PPP1R26: variants seen among roughly 807,000 people sequenced by gnomAD.
The protein encoded by PPP1R26 is 1A6/DRIM (down-regulated in metastasis) interacting protein.
PPP1R26 carries 22 observed loss-of-function variants against 67.6 expected under a neutral mutation model. The ratio of observed to expected loss-of-function variants is 0.33; its 90% CI spans 0.23 to 0.46. The LOEUF (loss-of-function observed/expected upper bound fraction) is 0.46, where lower values mean the gene tolerates loss of function less well. PPP1R26 is among the 20% of genes least tolerant of loss of function. PPP1R26 has a pLI of 1.00. For missense variants in PPP1R26, 1,602 were observed against 1,651.4 expected (o/e 0.97, Z 0.52); for synonymous variants, 729 against 717.2 (o/e 1.02, Z -0.26).
intron 1 of PPP1R26, 84 bp downstream of exon 1, chr9:135,480,106 G>T (rs1302728198): frequency 6.7e-6 from 1 of 149,312 alleles, no homozygotes; most frequent in Non-Finnish European, 1.5e-5. Context: ...CCAGGCCGGG[G>T]CCGGCGCGCC....
In PPP1R26 at chr9:135,485,828, G is replaced by C; in HGVS notation, c.1318G>C (p.Gly440Arg). 2 of 1,613,000 alleles carry C rather than the reference G, an allele frequency of 1.2e-6. No homozygotes were observed. Among genetic ancestry groups the C allele is most frequent in the Non-Finnish European group, 8.5e-7 (1 of 1,179,968 alleles). Reference sequence around the variant, plus strand: ...CAAGACCATGGACCCTGGTCCAGGGGGCCTGGACACTGACCATGCCCCCAA... The same window carrying C: ...CAAGACCATGGACCCTGGTCCAGGGCGCCTGGACACTGACCATGCCCCCAA... ...ATKTMDPGPG[G>R]LDTDHAPKLL... The change falls in exon 4 of 4, where the codon GGC becomes CGC. Residue 440 changes from glycine to arginine, a missense_variant. Coordinates refer to ENST00000356818, the MANE Select transcript of PPP1R26 (RefSeq NM_014811.5). The surrounding 1 kb of genome is among the most constrained non-coding windows in gnomAD (Gnocchi z 7.2).
rs1168613820 is a variant in PPP1R26 at position 135,485,266 on chromosome 9, A to G, written c.756A>G (p.Lys252=). ...AATGTGATGGGTCAGTGGAGAAGAA[A>G]CCAGACACAAATGAAAATTCCGCCA... ...TQKCDGSVEK[K]PDTNENSAKS... The change falls in exon 4 of 4, where the codon AAA becomes AAG. Residue 252 remains lysine (K), a synonymous_variant. Transcript: ENST00000356818. This position sits in a 1 kb window ranked among gnomAD's most constrained non-coding sequence, Gnocchi z 7.2. 5.6e-6 allele frequency: 9 copies of G among 1,612,820 alleles called. No homozygotes were observed. The South Asian group carries it at 8.8e-5, about 16-fold the overall frequency.
Position 135,487,215 on chromosome 9 carries a change from C to T in PPP1R26, c.2705C>T (p.Ala902Val). The T allele has an allele frequency of 6.3e-7, 1 of 1,593,680 alleles. No homozygotes were observed. ...AGGGCCAGGGGGGTCCCACATCTGG[C>T]CGAAGGGCTTCGAGGCACAGAGAGC... ...SQRARGVPHL[A>V]EGLRGTESAG... The change falls in exon 4 of 4, where the codon GCC becomes GTC. Residue 902 changes from alanine to valine, a missense_variant. By Grantham distance (64) the Ala-to-Val change is moderately conservative. Around this residue, in one of 5 missense-constraint regions of PPP1R26, gnomAD observed 740 missense variants for 696.3 expected, o/e 1.06. Coordinates refer to ENST00000356818, the MANE Select transcript of PPP1R26 (RefSeq NM_014811.5).
chr9:135,484,486 T>G lies in PPP1R26; in HGVS notation c.-25T>G, dbSNP rs1374789202. ...GTAGAGAAATAAAGCATCGCCCCTC[T>G]GCGCGCCCCTCCCCGTCTGCTAGAA... On this transcript the variant is annotated 5_prime_UTR_variant, in exon 4 of 4. Transcript: ENST00000356818. 5.9e-6 allele frequency: 9 copies of G among 1,527,830 alleles called. No homozygotes were observed. The allele number at this position is 1,527,830 out of a possible 1,614,324, so 94.6% of individuals were successfully genotyped here. A position where few individuals can be genotyped will look rare whatever the true frequency, so the allele number is the denominator to read the frequency against.
chr9:135,484,899 AC>A lies in PPP1R26; in HGVS notation c.390del (p.Asp130GlufsTer12). ...VLDSDSDDSV[D>X]RDIEEAIQEY... The stretch of plus-strand genomic sequence containing the variant: ...GATTCAGACAGTGATGATTCCGTGG[AC>A]AGGGACATTGAGGAGGCCATCCAGG... On this transcript the variant is annotated frameshift_variant, in exon 4 of 4. Transcript: ENST00000356818. LOFTEE classifies it high-confidence loss of function. 1 of 1,596,826 alleles carries A rather than the reference AC, an allele frequency of 6.3e-7. No individual in the cohort carries two copies. The highest frequency in any genetic ancestry group is 8.5e-7 in the Non-Finnish European group (1 of 1,171,018).
At chr9:135,479,203 C>CT (rs1830427381), upstream of PPP1R26, 2 of 152,154 alleles carry the variant, frequency 1.3e-5, no homozygotes, top group African/African-American at 4.8e-5. This position sits in a 1 kb window ranked among gnomAD's most constrained non-coding sequence, Gnocchi z 5.9. Flanking sequence ...CGTGCGTCCA[C>CT]TCCCCGCCGC....
Position 135,486,961 on chromosome 9 carries a change from A to G in PPP1R26, c.2451A>G (p.Pro817=). 6.2e-7 allele frequency: 1 copy of G among 1,612,976 alleles called. No homozygotes were observed. Among genetic ancestry groups the G allele is most frequent in the Non-Finnish European group, 8.5e-7 (1 of 1,180,006 alleles). ...GNPFPRESQG[P]APSPGSLSDD... is the part of the protein sequence containing the mutation. The stretch of plus-strand genomic sequence containing the variant: ...CATTCCCCAGGGAGTCCCAGGGCCC[A>G]GCTCCCAGCCCCGGCTCCCTGTCTG... The change falls in exon 4 of 4, where the codon CCA becomes CCG. Residue 817 remains proline, a synonymous_variant. Coordinates refer to ENST00000356818, the MANE Select transcript of PPP1R26 (RefSeq NM_014811.5). The surrounding 1 kb of genome is among the most constrained non-coding windows in gnomAD (Gnocchi z 6.2).
rs764793807 is a variant in PPP1R26, at chr9:135,485,665, C to T, written c.1155C>T (p.Asp385=). Residue 385 remains aspartate, a synonymous_variant, in exon 4 of 4, where the codon GAC becomes GAT. Coordinates refer to ENST00000356818, the MANE Select transcript of PPP1R26 (RefSeq NM_014811.5). This position sits in a 1 kb window ranked among gnomAD's most constrained non-coding sequence, Gnocchi z 7.2. ...YQLQKTRKEA[D]GDLPQRVQLR... Reference sequence around the variant, plus strand: ...TGCAGAAAACACGCAAGGAGGCCGACGGGGACCTGCCCCAGAGGGTCCAAC... The same window carrying T: ...TGCAGAAAACACGCAAGGAGGCCGATGGGGACCTGCCCCAGAGGGTCCAAC... 17 of 1,611,786 alleles carry T rather than the reference C, an allele frequency of 1.1e-5. No individual in the cohort carries two copies. Among genetic ancestry groups the T allele is most frequent in the Admixed American group, 1.7e-5 (1 of 60,002 alleles).
At position 135,485,967 on chromosome 9, in the gene PPP1R26, C is replaced by T. The variant is rs778369137; in HGVS notation, c.1457C>T (p.Ala486Val). The part of the protein sequence containing the change: ...DTSAELMCAE[A>V]ILDISKTILP... ...TCTGCTGAGCTGATGTGTGCAGAAGCAATCCTGGACATCTCCAAGACGATC... is the reference window on the plus strand; with the variant it reads ...TCTGCTGAGCTGATGTGTGCAGAAGTAATCCTGGACATCTCCAAGACGATC... Residue 486 changes from alanine to valine, a missense_variant, in exon 4 of 4, where the codon GCA becomes GTA. By Grantham distance (64) the Ala-to-Val change is moderately conservative. This residue lies in a region of PPP1R26 where 680 missense variants were observed against 726.1 expected (regional missense o/e 0.94). Transcript: ENST00000356818. The surrounding 1 kb of genome is among the most constrained non-coding windows in gnomAD (Gnocchi z 7.2). 1 of 1,613,332 alleles carries T rather than the reference C, an allele frequency of 6.2e-7. No homozygotes were observed. Among genetic ancestry groups the T allele is most frequent in the Admixed American group, 1.7e-5 (1 of 60,024 alleles).
At chr9:135,482,447 G>A (rs554748357) in intron 1 of PPP1R26, among the ~76,000 whole-genome samples, 57 of 152,330 alleles carry the variant, frequency 3.7e-4, no homozygotes, top group Non-Finnish European at 7.1e-4. Flanking sequence ...CATCACTTCA[G>A]CCAGCATCAG....
chr9:135,481,539 C>T (rs1830520173), intron 1 of PPP1R26, among the ~76,000 whole-genome samples: 2 of 151,498 alleles, frequency 1.3e-5, no homozygotes, highest in Admixed American at 1.3e-4. Flanking sequence ...CTATCCCCGA[C>T]CCAGGGGGCT....
chr9:135,485,737 T>C lies in PPP1R26; in HGVS notation c.1227T>C (p.Ser409=). The change falls in exon 4 of 4, where the codon AGT becomes AGC. Residue 409 remains serine (S), a synonymous_variant. Coordinates refer to ENST00000356818, the MANE Select transcript of PPP1R26 (RefSeq NM_014811.5). The surrounding 1 kb of genome is among the most constrained non-coding windows in gnomAD (Gnocchi z 7.2). Reference sequence around the variant, plus strand: ...ACCCTCCCGCACACAGCACAAGCAGTGCCACAAAAAGTGCCTTGCCCGAGA... The same window carrying C: ...ACCCTCCCGCACACAGCACAAGCAGCGCCACAAAAAGTGCCTTGCCCGAGA... ...APDPPAHSTS[S]ATKSALPETH... 21 of 1,610,500 alleles carry C rather than the reference T, an allele frequency of 1.3e-5. No homozygotes were observed. The highest frequency in any genetic ancestry group is 1.7e-5 in the Non-Finnish European group (20 of 1,179,972).
Position 135,487,324 on chromosome 9 carries a change from G to T in PPP1R26, c.2814G>T (p.Pro938=). ...CTCCTGCCCGAGGGGATCCGGTGCCGCCCAGGAGCACCAGCGGCGGTGTCT... is the reference window on the plus strand; with the variant it reads ...CTCCTGCCCGAGGGGATCCGGTGCCTCCCAGGAGCACCAGCGGCGGTGTCT... ...PAAPARGDPV[P]PRSTSGGVSA... Residue 938 remains proline, a synonymous_variant, in exon 4 of 4, where the codon CCG becomes CCT. Transcript: ENST00000356818. The T allele has an allele frequency of 2.6e-6, 4 of 1,555,200 alleles. No homozygotes were observed. The highest frequency in any genetic ancestry group is 2.6e-6 in the Non-Finnish European group (3 of 1,152,824).
In PPP1R26 at chr9:135,488,173, C is replaced by T. The variant is rs778091902; in HGVS notation, c.*33C>T. On this transcript the variant is annotated 3_prime_UTR_variant, in exon 4 of 4. Transcript: ENST00000356818. The stretch of plus-strand genomic sequence containing the variant: ...AGCTGTGGGTTCGCGTCCTGGGTTG[C>T]GTGCATTCGTGGAAAGCGGCGTAGC... 1.3e-6 allele frequency: 2 copies of T among 1,484,812 alleles called. No individual in the cohort carries two copies. Among genetic ancestry groups the T allele is most frequent in the South Asian group, 1.5e-5 (1 of 68,494 alleles). 92.0% of individuals were successfully genotyped at this position (1,484,812 alleles called of 1,614,324 possible). A position where few individuals can be genotyped will look rare whatever the true frequency, so the allele number is the denominator to read the frequency against.
At position 135,488,034 on chromosome 9, in the gene PPP1R26, G is replaced by C; in HGVS notation, c.3524G>C (p.Arg1175Thr). Residue 1175 changes from arginine (R) to threonine (T), a missense_variant, in exon 4 of 4, where the codon AGG becomes ACG. By Grantham distance (71) the Arg-to-Thr change is moderately conservative. Transcript: ENST00000356818. Reference protein sequence around the residue: ...ESILDLRYRRRVNRDDQEQDA... With the variant: ...ESILDLRYRRTVNRDDQEQDA... Reference sequence around the variant, plus strand: ...ATTTTAGACCTGAGGTATCGACGAAGGGTCAACAGGGATGACCAGGAGCAG... The same window carrying C: ...ATTTTAGACCTGAGGTATCGACGAACGGTCAACAGGGATGACCAGGAGCAG... 1 of 1,609,728 alleles carries C rather than the reference G, an allele frequency of 6.2e-7. No homozygotes were observed. The highest frequency in any genetic ancestry group is 8.5e-7 in the Non-Finnish European group (1 of 1,178,344).
Position 135,482,729 on chromosome 9 carries a change from G to C in PPP1R26, c.-282G>C. 2.5e-6 allele frequency: 1 copy of C among 398,594 alleles called. No individual in the cohort carries two copies. The highest frequency in any genetic ancestry group is 4.4e-6 in the Non-Finnish European group (1 of 226,076). The allele number at this position is 398,594 out of a possible 1,614,324, so 24.7% of individuals were successfully genotyped here. On this transcript the variant is annotated 5_prime_UTR_variant, in exon 2 of 4. Coordinates refer to ENST00000356818, the MANE Select transcript of PPP1R26 (RefSeq NM_014811.5). ...AGAGAGAGAATGCCTCGGTGTGTAAGTGGAGTGATGAGGACCTGATCTCTG... is the reference window on the plus strand; with the variant it reads ...AGAGAGAGAATGCCTCGGTGTGTAACTGGAGTGATGAGGACCTGATCTCTG...
chr9:135,485,545 G>C lies in PPP1R26; in HGVS notation c.1035G>C (p.Arg345Ser). The change falls in exon 4 of 4, where the codon AGG (arginine) becomes AGC (serine). Residue 345 changes from arginine (R) to serine (S), a missense_variant. Arg to Ser is a moderately radical substitution (Grantham distance 110). Coordinates refer to ENST00000356818, the MANE Select transcript of PPP1R26 (RefSeq NM_014811.5). The surrounding 1 kb of genome is among the most constrained non-coding windows in gnomAD (Gnocchi z 7.2). ...TCAAAAGGAGCGCCAGCGCTGCAAG[G>C]AGGGGAAAGCGAGTCATGAGTGCGG... Reference protein sequence around the residue: ...GGIKRSASAARRGKRVMSAAQ... With the variant: ...GGIKRSASAASRGKRVMSAAQ... The C allele has an allele frequency of 6.2e-7, 1 of 1,613,306 alleles. No homozygotes were observed. Among genetic ancestry groups the C allele is most frequent in the Non-Finnish European group, 8.5e-7 (1 of 1,180,036 alleles).
In PPP1R26 at chr9:135,486,320, C is replaced by T. The variant is rs1260073120; in HGVS notation, c.1810C>T (p.Pro604Ser). Reference sequence around the variant, plus strand: ...GCGTAGAGGTGGTGGCCATGTGAGGCCATCCACGCCCAAGAAAATGCAGGA... The same window carrying T: ...GCGTAGAGGTGGTGGCCATGTGAGGTCATCCACGCCCAAGAAAATGCAGGA... ...RKRRGGGHVR[P>S]STPKKMQEVV... The change falls in exon 4 of 4, where the codon CCA becomes TCA. Residue 604 changes from proline to serine, a missense_variant. This residue lies in a region of PPP1R26 where 680 missense variants were observed against 726.1 expected (regional missense o/e 0.94). Transcript: ENST00000356818. The surrounding 1 kb of genome is among the most constrained non-coding windows in gnomAD (Gnocchi z 6.2). 6.2e-7 allele frequency: 1 copy of T among 1,612,902 alleles called. No individual in the cohort carries two copies. The highest frequency in any genetic ancestry group is 1.3e-5 in the African/African-American group (1 of 74,924).
Position 135,487,670 on chromosome 9 carries a change from G to C in PPP1R26, c.3160G>C (p.Gly1054Arg), listed in dbSNP as rs780280278. The stretch of plus-strand genomic sequence containing the variant: ...AGGCAGAGATGCAGTGTGGAGGGGG[G>C]GCGTCGGGAGCGAGAGAGACAAGGG... Reference protein sequence around the residue: ...SEGRDAVWRGGVGSERDKGSE... With the variant: ...SEGRDAVWRGRVGSERDKGSE... The change falls in exon 4 of 4, where the codon GGC becomes CGC. Residue 1054 changes from glycine (G) to arginine (R), a missense_variant. By Grantham distance (125) the Gly-to-Arg change is moderately radical. Around this residue, in one of 5 missense-constraint regions of PPP1R26, gnomAD observed 740 missense variants for 696.3 expected, o/e 1.06. Transcript: ENST00000356818. 2 of 1,460,630 alleles carry C rather than the reference G, an allele frequency of 1.4e-6. No individual in the cohort carries two copies. Among genetic ancestry groups the C allele is most frequent in the Admixed American group, 2.7e-5 (1 of 36,644 alleles). 90.5% of individuals were successfully genotyped at this position (1,460,630 alleles called of 1,614,324 possible).
Sources: allele counts gnomAD v4.1 joint callset (sites outside exome capture counted in the v4.1 genomes callset), GRCh38; gene constraint gnomAD v4.1.1; regional missense constraint gnomAD v4.1.1; non-coding constraint Gnocchi (gnomAD v3.1); transcripts MANE v1.5; gene names NCBI Gene and HGNC (gene_info 2026-07-23, HGNC 2026-07-21).